COG5: variants seen among roughly 807,000 people sequenced by gnomAD.
COG5 encodes the protein component of oligomeric golgi complex 5, also known as conserved oligomeric Golgi complex subunit 5.
Under a neutral mutation model 110.4 loss-of-function variants are expected in COG5, and 86 were observed. The observed-to-expected ratio is 0.78, with a 90% CI of 0.65 to 0.93. COG5 has a LOEUF of 0.93. Among genes scored for constraint, COG5 ranks in the 40% least tolerant of loss-of-function variants. COG5 has a pLI of 0.00. For missense variants in COG5, 1,077 were observed against 987.0 expected (o/e 1.09, Z -1.22); for synonymous variants, 360 against 334.6 (o/e 1.08, Z -0.83).
intron 10 of COG5, among the ~76,000 whole-genome samples, chr7:107,333,006 A>G (rs1249763348): frequency 2.6e-5 from 4 of 152,126 alleles, no homozygotes; most frequent in Admixed American, 2.0e-4. Flanking sequence ...TCCTTGATAA[A>G]TTGTTTCTAA....
At chr7:107,386,917 C>T (rs368278334) in intron 7 of COG5, among the ~76,000 whole-genome samples, 1 of 152,046 alleles carries the variant, frequency 6.6e-6, no homozygotes, top group Non-Finnish European at 1.5e-5. Flanking sequence ...CCTGCCTTAC[C>T]ACCTCCTTTT....
Position 107,230,496 on chromosome 7 carries a change from T to C in COG5, c.2168+119A>G, listed in dbSNP as rs181529489. ...ATACTTTCTAAGATGAATCATGAAA[T>C]TGCCATTGTTGTAGATCAAAAATGG... On this transcript the variant is annotated intron_variant, in intron 19 of 21. Transcript: ENST00000297135. The C allele has an allele frequency of 6.9e-5, 54 of 778,528 alleles. No individual in the cohort carries two copies. In the East Asian group the frequency reaches 7.8e-4, roughly 11 times the overall value. 48.2% of individuals were successfully genotyped at this position (778,528 alleles called of 1,614,324 possible). A position where few individuals can be genotyped will look rare whatever the true frequency, so the allele number is the denominator to read the frequency against.
chr7:107,331,729 C>T (rs550955556), intron 10 of COG5, among the ~76,000 whole-genome samples: 1 of 152,010 alleles, frequency 6.6e-6, no homozygotes, highest in Non-Finnish European at 1.5e-5. Context: ...GATTATGCAA[C>T]CAAAATAGAA....
chr7:107,362,138 G>A, intron 9 of COG5, 28 bp from the exon 10 acceptor site: 1 of 1,554,478 alleles, frequency 6.4e-7, no homozygotes, highest in Non-Finnish European at 8.8e-7. Context: ...TAAAGCTTAG[G>A]CAATAGAAAA....
intron 14 of COG5, among the ~76,000 whole-genome samples, chr7:107,265,156 G>A (rs538983007): frequency 6.6e-6 from 1 of 152,132 alleles, no homozygotes; most frequent in Non-Finnish European, 1.5e-5. Flanking sequence ...AAAGATTTAA[G>A]ATAATACGAC....
intron 6 of COG5, chr7:107,470,330 G>A (rs910856583): frequency 3.9e-5 from 6 of 152,074 alleles, no homozygotes; most frequent in African/African-American, 1.2e-4. Flanking sequence ...GGTCATTTTC[G>A]AAGAGATGTT....
intron 11 of COG5, among the ~76,000 whole-genome samples, chr7:107,311,584 G>C (rs545183059): frequency 1.3e-5 from 2 of 150,020 alleles, no homozygotes; most frequent in East Asian, 3.9e-4. Flanking sequence ...TAGTAGAGAC[G>C]GGGTTTCACC....
intron 7 of COG5, among the ~76,000 whole-genome samples, chr7:107,391,188 G>C (rs925359888): frequency 3.9e-5 from 6 of 152,040 alleles, no homozygotes; most frequent in African/African-American, 1.4e-4. Context: ...TAAATGCCCG[G>C]AAGGCCAGCG....
intron 6 of COG5, among the ~76,000 whole-genome samples, chr7:107,464,706 A>G (rs978479603): frequency 6.6e-6 from 1 of 152,116 alleles, no homozygotes; most frequent in Non-Finnish European, 1.5e-5. Flanking sequence ...ATGCTAACAT[A>G]AGATGTAAGA....
At chr7:107,469,692 A>G (rs572284038) in intron 6 of COG5, among the ~76,000 whole-genome samples, 20 of 152,140 alleles carry the variant, frequency 1.3e-4, no homozygotes, top group Non-Finnish European at 2.4e-4. Flanking sequence ...AAACCTATAT[A>G]TGACTAAAAT....
intron 6 of COG5, among the ~76,000 whole-genome samples, chr7:107,512,666 C>G (rs907837048): frequency 3.3e-5 from 5 of 152,188 alleles, no homozygotes; most frequent in Non-Finnish European, 7.3e-5. Flanking sequence ...GCTACAGTAA[C>G]CAAAGCAGCA....
At chr7:107,552,356 C>T (rs534434394) in intron 3 of COG5, among the ~76,000 whole-genome samples, 75 of 152,116 alleles carry the variant, frequency 4.9e-4, no homozygotes, top group African/African-American at 1.3e-3. Context: ...ACCTACAGAA[C>T]GGGTGAAAAT....
chr7:107,393,841 A>G (rs752631849), intron 7 of COG5, among the ~76,000 whole-genome samples: 10 of 152,234 alleles, frequency 6.6e-5, no homozygotes, highest in Non-Finnish European at 1.3e-4. Context: ...TCTAAGAATA[A>G]CTTTTCTATG....
chr7:107,358,622 G>A (rs985968895), intron 10 of COG5, among the ~76,000 whole-genome samples: 2 of 152,284 alleles, frequency 1.3e-5, no homozygotes, highest in Admixed American at 1.3e-4. Context: ...ATAATTCTCT[G>A]TTAAGAGTTG....
chr7:107,469,013 TAATTTA>T (rs964922449), intron 6 of COG5, among the ~76,000 whole-genome samples: 1 of 149,598 alleles, frequency 6.7e-6, no homozygotes, highest in Admixed American at 6.7e-5. Flanking sequence ...ATATTAAATT[TAATTTA>T]AATTTAATTT....
At chr7:107,347,951 C>T (rs1811771490) in intron 10 of COG5, among the ~76,000 whole-genome samples, 2 of 151,158 alleles carry the variant, frequency 1.3e-5, no homozygotes, top group South Asian at 2.1e-4. Context: ...ATGGTGAAAC[C>T]CCTGTCTCTA....
At chr7:107,504,617 T>C (rs1050044078) in intron 6 of COG5, among the ~76,000 whole-genome samples, 2 of 152,184 alleles carry the variant, frequency 1.3e-5, no homozygotes, top group Non-Finnish European at 2.9e-5. Context: ...GCTGTGAATC[T>C]ATCTAGCCCT....
chr7:107,333,298 G>A (rs376252945), intron 10 of COG5, among the ~76,000 whole-genome samples: 1 of 152,112 alleles, frequency 6.6e-6, no homozygotes, highest in Non-Finnish European at 1.5e-5. Context: ...AATAGCCTTC[G>A]AGGGGAAACA....
intron 10 of COG5, among the ~76,000 whole-genome samples, chr7:107,340,253 C>A (rs575137392): frequency 1.3e-5 from 2 of 152,156 alleles, no homozygotes; most frequent in Admixed American, 6.5e-5. Context: ...CATCTCTATG[C>A]GTACAAACTA....
Sources: allele counts gnomAD v4.1 joint callset (sites outside exome capture counted in the v4.1 genomes callset), GRCh38; gene constraint gnomAD v4.1.1; transcripts MANE v1.5; gene names NCBI Gene and HGNC (gene_info 2026-07-23, HGNC 2026-07-21).